The following CACHD1 variants were observed in gnomAD, a reference collection of about 807,000 sequenced individuals.
CACHD1 encodes VWFA and cache domain-containing protein 1.
CACHD1 carries 71 observed loss-of-function variants against 138.7 expected under a neutral mutation model. The observed-to-expected ratio is 0.51, with a 90% CI of 0.42 to 0.62. The LOEUF is 0.62. Ranked by LOEUF, CACHD1 falls within the 20% of genes least tolerant of loss-of-function variation. The probability of loss-of-function intolerance (pLI) is 0.00; values close to 1 mark genes in which losing one functional copy is unlikely to be tolerated. For synonymous variants in CACHD1, 578 were observed against 591.5 expected (o/e 0.98, Z 0.33); for missense variants, 1,389 against 1,625.3 (o/e 0.85, Z 2.50).
intron 4 of CACHD1, among the ~76,000 whole-genome samples, chr1:64,619,679 A>G (rs552142442): frequency 6.6e-6 from 1 of 152,288 alleles, no homozygotes; most frequent in Non-Finnish European, 1.5e-5. Flanking sequence ...GCTGCATGCC[A>G]AGAATCTTCC....
chr1:64,648,453 A>T (rs370137941), intron 9 of CACHD1, among the ~76,000 whole-genome samples: 1 of 152,218 alleles, frequency 6.6e-6, no homozygotes, highest in Non-Finnish European at 1.5e-5. Context: ...AAGTTATTTA[A>T]TGGTGTTAAT....
chr1:64,617,056 G>A lies in CACHD1; in HGVS notation c.518-12299G>A, dbSNP rs952684585. On this transcript the variant is annotated intron_variant, in intron 4 of 26. Coordinates refer to ENST00000651257, the MANE Select transcript of CACHD1 (RefSeq NM_020925.4). ...AGACAGAGAAAGAAGTGAAGCAAAC[G>A]GATGGGAAAATGGAGATTAATGTCT... 9.3e-5 allele frequency among the ~76,000 whole-genome samples: 14 copies of A among 151,202 alleles called. No homozygotes were observed. The East Asian group carries it at 1.5e-3, about 17-fold the overall frequency.
At chr1:64,601,184 G>C (rs1051324785) in intron 3 of CACHD1, among the ~76,000 whole-genome samples, 2 of 152,152 alleles carry the variant, frequency 1.3e-5, no homozygotes, top group Non-Finnish European at 2.9e-5. Context: ...CACTACAATG[G>C]CAGAGCAGTT....
intron 3 of CACHD1, among the ~76,000 whole-genome samples, chr1:64,584,895 A>T (rs1009882672): frequency 3.3e-5 from 5 of 152,210 alleles, no homozygotes; most frequent in Non-Finnish European, 7.3e-5. Context: ...CATAGCAGAG[A>T]GGTATTGTGG....
chr1:64,593,602 T>A (rs1397441757), intron 3 of CACHD1, among the ~76,000 whole-genome samples: 1 of 152,208 alleles, frequency 6.6e-6, no homozygotes, highest in African/African-American at 2.4e-5. Flanking sequence ...TTATGCCCAA[T>A]GAAGTGTTGT....
chr1:64,550,570 A>G (rs770849802), intron 1 of CACHD1, 24 bp from the exon 2 acceptor site: 3 of 1,551,946 alleles, frequency 1.9e-6, no homozygotes, highest in East Asian at 4.5e-5. Context: ...AGAAAATCTC[A>G]TGTTCATTTT....
At chr1:64,650,924 C>G (rs774309112) in intron 9 of CACHD1, among the ~76,000 whole-genome samples, 1 of 152,116 alleles carries the variant, frequency 6.6e-6, no homozygotes, top group Non-Finnish European at 1.5e-5. Flanking sequence ...CAACCCCAGC[C>G]ATCTGATGCA....
chr1:64,601,633 T>G (rs185481499), intron 3 of CACHD1, among the ~76,000 whole-genome samples: 6 of 152,364 alleles, frequency 3.9e-5, no homozygotes, highest in Admixed American at 1.3e-4. Flanking sequence ...TCCCCTTGCT[T>G]GTACAATCAG....
intron 1 of CACHD1, among the ~76,000 whole-genome samples, chr1:64,540,461 G>A (rs573419600): frequency 5.4e-4 from 82 of 152,220 alleles, no homozygotes; most frequent in Non-Finnish European, 8.8e-4. Context: ...TTTTAGTCAA[G>A]TTATATTGGC....
chr1:64,674,922 G>A (rs1649936584), intron 19 of CACHD1, among the ~76,000 whole-genome samples: 1 of 152,246 alleles, frequency 6.6e-6, no homozygotes, highest in South Asian at 2.1e-4. Context: ...AAATTTGCCT[G>A]TTAGGTTTGA....
At chr1:64,529,190 T>C (rs1646563109) in intron 1 of CACHD1, among the ~76,000 whole-genome samples, 1 of 152,212 alleles carries the variant, frequency 6.6e-6, no homozygotes, top group Non-Finnish European at 1.5e-5. Context: ...GCTTGATGTC[T>C]GTACCCTGTT....
intron 7 of CACHD1, among the ~76,000 whole-genome samples, chr1:64,638,946 C>T (rs1171430226): frequency 2.6e-5 from 4 of 152,018 alleles, no homozygotes; most frequent in Non-Finnish European, 4.4e-5. Flanking sequence ...ACAGAGCCAG[C>T]GAGGATTCTT....
intron 1 of CACHD1, among the ~76,000 whole-genome samples, chr1:64,481,506 C>T (rs530929054): frequency 3.9e-5 from 6 of 152,242 alleles, no homozygotes; most frequent in African/African-American, 1.2e-4. Context: ...TTACTTCAAA[C>T]GCAGAGAGTG....
intron 1 of CACHD1, among the ~76,000 whole-genome samples, chr1:64,536,175 G>T (rs1450137494): frequency 6.6e-6 from 1 of 152,126 alleles, no homozygotes; most frequent in Non-Finnish European, 1.5e-5. Flanking sequence ...AAGAAATGTT[G>T]TATTCCTCCC....
At chr1:64,479,227 C>T (rs1328893064) in intron 1 of CACHD1, among the ~76,000 whole-genome samples, 1 of 152,210 alleles carries the variant, frequency 6.6e-6, no homozygotes, top group African/African-American at 2.4e-5. Flanking sequence ...ATGACTTCAA[C>T]ACAGATGAAT....
At chr1:64,620,837 G>A (rs1647887715) in intron 4 of CACHD1, among the ~76,000 whole-genome samples, 1 of 152,072 alleles carries the variant, frequency 6.6e-6, no homozygotes, top group Non-Finnish European at 1.5e-5. Flanking sequence ...GCTTTACAAA[G>A]ATTCTGTCTT....
At chr1:64,552,558 C>T (rs146709583) in intron 2 of CACHD1, among the ~76,000 whole-genome samples, 5 of 147,132 alleles carry the variant, frequency 3.4e-5, no homozygotes, top group Non-Finnish European at 3.0e-5. Flanking sequence ...CATCCTTTAT[C>T]TTCCAGGCTT....
intron 1 of CACHD1, among the ~76,000 whole-genome samples, chr1:64,486,313 T>C (rs1297880172): frequency 6.6e-6 from 1 of 151,914 alleles, no homozygotes; most frequent in African/African-American, 2.4e-5. Context: ...AAAAAAGTTT[T>C]CACATATTCA....
chr1:64,543,323 A>G (rs886948964), intron 1 of CACHD1, among the ~76,000 whole-genome samples: 1 of 150,570 alleles, frequency 6.6e-6, no homozygotes, highest in Non-Finnish European at 1.5e-5. Flanking sequence ...TGGGAGGCCA[A>G]GGTGGGAAGA....
Sources: allele counts gnomAD v4.1 joint callset (sites outside exome capture counted in the v4.1 genomes callset), GRCh38; gene constraint gnomAD v4.1.1; transcripts MANE v1.5; gene names NCBI Gene and HGNC (gene_info 2026-07-23, HGNC 2026-07-21).